Variants in SPINK5 observed in about 807,000 individuals in gnomAD.
The protein encoded by SPINK5 is serine protease inhibitor Kazal-type 5.
A neutral mutation model predicts 151.8 loss-of-function variants in SPINK5; 125 were observed. The observed-to-expected ratio is 0.82, with a 90% CI of 0.71 to 0.96. The LOEUF is 0.96. Among genes scored for constraint, SPINK5 ranks in the 40% least tolerant of loss-of-function variants. SPINK5 has a pLI of 0.00. For missense variants in SPINK5, 1,194 were observed against 1,291.9 expected (o/e 0.92, Z 1.16); for synonymous variants, 374 against 395.3 (o/e 0.95, Z 0.64).
intron 4 of SPINK5, among the ~76,000 whole-genome samples, chr5:148,083,813 G>A (rs1358158643): frequency 6.6e-6 from 1 of 150,954 alleles, no homozygotes; most frequent in Non-Finnish European, 1.5e-5. Flanking sequence ...TATTTTAAAT[G>A]TTCTTTAGCT....
In SPINK5 at chr5:148,084,749, G is replaced by T. The variant is rs1231311880; in HGVS notation, c.283-1656G>T. Reference sequence around the variant, plus strand: ...CTTCTTTCTGTCCATTCCTTAAAAAGGACAGTCTAGTTTCCACCACAAATC... The same window carrying T: ...CTTCTTTCTGTCCATTCCTTAAAAATGACAGTCTAGTTTCCACCACAAATC... On this transcript the variant is annotated intron_variant, in intron 4 of 32. Coordinates refer to ENST00000256084, the MANE Select transcript of SPINK5 (RefSeq NM_006846.4). Among the ~76,000 whole-genome samples the T allele has an allele frequency of 2.0e-5, 3 of 151,798 alleles. No individual in the cohort carries two copies. The East Asian group carries it at 5.9e-4, about 30-fold the overall frequency.
At chr5:148,108,949 G>T (rs1561693915) in intron 18 of SPINK5, 112 bp downstream of exon 18, 1 of 1,555,880 alleles carries the variant, frequency 6.4e-7, no homozygotes, top group Non-Finnish European at 8.8e-7. Flanking sequence ...TTGCAAACTG[G>T]GAAAATGTGT....
chr5:148,088,553 C>G lies in SPINK5; in HGVS notation c.422C>G (p.Ser141Cys), dbSNP rs758086366. The change falls in exon 6 of 33, where the codon TCC (serine) becomes TGC (cysteine). Residue 141 changes from serine to cysteine, a missense_variant. Physicochemically the swap from Ser to Cys is moderately radical, Grantham distance 112. Coordinates refer to ENST00000256084, the MANE Select transcript of SPINK5 (RefSeq NM_006846.4). ...ALCAENAKTGSQIGVKSEGEC... is the reference protein window; with the variant it reads ...ALCAENAKTGCQIGVKSEGEC... ...ACTTTTGATTCTAGGAAAACCGGGTCCCAAATTGGTGTAAAAAGTGAAGGG... is the reference window on the plus strand; with the variant it reads ...ACTTTTGATTCTAGGAAAACCGGGTGCCAAATTGGTGTAAAAAGTGAAGGG... 1.2e-6 allele frequency: 2 copies of G among 1,611,520 alleles called. No individual in the cohort carries two copies. The highest frequency in any genetic ancestry group is 1.7e-6 in the Non-Finnish European group (2 of 1,178,496).
At chr5:148,098,269 T>C (rs1753526504) in intron 11 of SPINK5, among the ~76,000 whole-genome samples, 1 of 152,052 alleles carries the variant, frequency 6.6e-6, no homozygotes, top group African/African-American at 2.4e-5. Context: ...CTCCTGAAAC[T>C]TCACACGTTA....
At chr5:148,087,402 T>C (rs2113057450) in intron 5 of SPINK5, among the ~76,000 whole-genome samples, 1 of 151,944 alleles carries the variant, frequency 6.6e-6, no homozygotes, top group East Asian at 2.0e-4. Flanking sequence ...AGGGGTATTA[T>C]AATTATTCAC....
chr5:148,093,843 T>C (rs2113088208), intron 8 of SPINK5, among the ~76,000 whole-genome samples: 1 of 152,076 alleles, frequency 6.6e-6, no homozygotes, highest in South Asian at 2.1e-4. Context: ...ACCTACCACA[T>C]AACAGATACA....
intron 31 of SPINK5, among the ~76,000 whole-genome samples, chr5:148,132,176 T>C (rs1394354582): frequency 6.6e-6 from 1 of 152,214 alleles, no homozygotes; most frequent in African/African-American, 2.4e-5. Flanking sequence ...TTTTAAATAA[T>C]TTCCCCTTGT....
At chr5:148,095,755 TA>T in intron 9 of SPINK5, 62 bp from the exon 10 acceptor site, 1 of 1,386,810 alleles carries the variant, frequency 7.2e-7, no homozygotes, top group Non-Finnish European at 1.0e-6. Flanking sequence ...CATCTATACC[TA>T]ATGACTGTTT....
chr5:148,088,626 G>C, intron 6 of SPINK5, 21 bp downstream of exon 6: 8 of 1,609,716 alleles, frequency 5.0e-6, no homozygotes, highest in Non-Finnish European at 6.8e-6. Flanking sequence ...TTGTCAGCCT[G>C]ATGGGAAATA....
At chr5:148,104,759 G>A (rs1561691057) in intron 15 of SPINK5, among the ~76,000 whole-genome samples, 193 bp from the exon 16 acceptor site, 1 of 152,126 alleles carries the variant, frequency 6.6e-6, no homozygotes, top group Admixed American at 6.5e-5. Context: ...AGCCGAGTGT[G>A]GTGGCATGTG....
intron 26 of SPINK5, among the ~76,000 whole-genome samples, chr5:148,121,211 C>A (rs1175627529): frequency 2.8e-5 from 4 of 143,768 alleles, no homozygotes; most frequent in African/African-American, 7.6e-5. Flanking sequence ...ATAATAAATT[C>A]TTGATCTGGC....
At chr5:148,113,067 C>T in intron 20 of SPINK5, 133 bp downstream of exon 20, 2 of 1,432,976 alleles carry the variant, frequency 1.4e-6, no homozygotes, top group Admixed American at 2.1e-5. Flanking sequence ...GGTTGAGAAA[C>T]TTTTTCTTAA....
At chr5:148,113,783 T>C (rs2113166740) in intron 20 of SPINK5, among the ~76,000 whole-genome samples, 1 of 152,320 alleles carries the variant, frequency 6.6e-6, no homozygotes, top group East Asian at 1.9e-4. Flanking sequence ...ATAGATTCAC[T>C]CTTCAACATC....
chr5:148,078,587 T>G (rs1177654078), intron 4 of SPINK5, among the ~76,000 whole-genome samples: 5 of 150,876 alleles, frequency 3.3e-5, no homozygotes, highest in Admixed American at 3.3e-4. Context: ...TAGTATTTTT[T>G]TTTAACCACA....
intron 6 of SPINK5, chr5:148,089,105 T>C: frequency 2.2e-6 from 1 of 462,870 alleles, no homozygotes. Flanking sequence ...TGAATGATTT[T>C]CCTAATTTTC....
In SPINK5 at chr5:148,133,803, CCAAA is replaced by C. The variant is rs745407111; in HGVS notation, c.3107_3110del (p.Thr1036IlefsTer45). On this transcript the variant is annotated frameshift_variant, in exon 32 of 33. Coordinates refer to ENST00000256084, the MANE Select transcript of SPINK5 (RefSeq NM_006846.4). LOFTEE classifies it high-confidence loss of function. ...ATCCTCTGATCTGTTTTAGGATACG[CCAAA>C]CAAATACACACATCCGCAGTACAGG... The C allele has an allele frequency of 2.5e-6, 4 of 1,613,752 alleles. No homozygotes were observed. In the African/African-American group the frequency reaches 4.0e-5, roughly 16 times the overall value.
At chr5:148,088,052 C>A (rs1753207993) in intron 5 of SPINK5, among the ~76,000 whole-genome samples, 1 of 151,614 alleles carries the variant, frequency 6.6e-6, no homozygotes, top group South Asian at 2.1e-4. Flanking sequence ...TTCAGATATA[C>A]TTTAAAGGTC....
intron 11 of SPINK5, among the ~76,000 whole-genome samples, chr5:148,098,351 G>T (rs1028318006): frequency 6.6e-6 from 1 of 151,966 alleles, no homozygotes; most frequent in Non-Finnish European, 1.5e-5. Flanking sequence ...GCTTAATGTA[G>T]AAATGGAATA....
Position 148,100,597 on chromosome 5 carries a change from G to C in SPINK5, c.1220+16G>C, listed in dbSNP as rs756144818. 5.6e-6 allele frequency: 9 copies of C among 1,612,088 alleles called. No individual in the cohort carries two copies. Among genetic ancestry groups the C allele is most frequent in the Non-Finnish European group, 2.5e-6 (3 of 1,178,792 alleles). ...AGGTCTTCTTGTGAGTAGCCCTGCA[G>C]CTGGGAACATGGAGGAATGATTTTG... is the stretch of plus-strand genomic sequence containing the variant. On this transcript the variant is annotated intron_variant, in intron 13 of 32. Transcript: ENST00000256084.
Sources: gnomAD v4.1 joint callset for allele counts (sites outside exome capture counted in the v4.1 genomes callset) on GRCh38, gnomAD v4.1.1 for gene constraint, MANE v1.5 for transcripts, NCBI Gene and HGNC (gene_info 2026-07-23, HGNC 2026-07-21) for gene names.